KSR1: variants seen among roughly 807,000 people sequenced by gnomAD.
The protein encoded by KSR1 is kinase suppressor of ras.
Under a neutral mutation model 92.9 loss-of-function variants are expected in KSR1, and 35 were observed. That is an observed-to-expected ratio of 0.38 (90% CI 0.29 to 0.50). The LOEUF (loss-of-function observed/expected upper bound fraction) is 0.50. Among genes scored for constraint, KSR1 ranks in the 20% least tolerant of loss-of-function variants. The pLI is 0.94. For missense variants in KSR1, 972 were observed against 1,158.5 expected, an observed-to-expected ratio of 0.84 and a Z score of 2.34; for synonymous variants, 467 against 472.6, an observed-to-expected ratio of 0.99 and a Z score of 0.15.
intron 1 of KSR1, chr17:27,527,099 A>G: frequency 2.5e-6 from 1 of 398,524 alleles, no homozygotes; most frequent in Non-Finnish European, 4.9e-6. Flanking sequence ...CTTAAGGGCA[A>G]TAGTTCACAC....
At chr17:27,497,035 A>T (rs528828473) in intron 1 of KSR1, among the ~76,000 whole-genome samples, 1 of 152,330 alleles carries the variant, frequency 6.6e-6, no homozygotes, top group African/African-American at 2.4e-5. Flanking sequence ...TAGGGGCAGC[A>T]GTAAGTGGGC....
At chr17:27,513,221 T>C (rs1175731495) in intron 1 of KSR1, among the ~76,000 whole-genome samples, 1 of 152,212 alleles carries the variant, frequency 6.6e-6, no homozygotes, top group Non-Finnish European at 1.5e-5. Context: ...TGTTATTCGA[T>C]TGACTGATTA....
At chr17:27,550,837 G>A in intron 2 of KSR1, 129 bp downstream of exon 2, 1 of 622,758 alleles carries the variant, frequency 1.6e-6, no homozygotes, top group Non-Finnish European at 2.9e-6. Flanking sequence ...TGAGAAGGAG[G>A]ATGGGGAGGG....
At chr17:27,558,705 T>G (rs113149897) in intron 2 of KSR1, among the ~76,000 whole-genome samples, 7 of 28,574 alleles carry the variant, frequency 2.4e-4, no homozygotes, top group Admixed American at 1.2e-3. Context: ...TGTTTTTTGT[T>G]TTTTTTTTTT....
At chr17:27,537,638 C>T (rs2151057918) in intron 1 of KSR1, among the ~76,000 whole-genome samples, 1 of 152,144 alleles carries the variant, frequency 6.6e-6, no homozygotes, top group African/African-American at 2.4e-5. Context: ...TGCAATGAGC[C>T]GAGATCAGGC....
intron 16 of KSR1, among the ~76,000 whole-genome samples, chr17:27,609,590 G>A (rs1160998985): frequency 6.6e-6 from 1 of 152,220 alleles, no homozygotes; most frequent in Non-Finnish European, 1.5e-5. Context: ...AAGGAACCAG[G>A]TCATTTCCCC....
At chr17:27,593,167 A>AG (rs1286240128) in intron 9 of KSR1, among the ~76,000 whole-genome samples, 2 of 152,238 alleles carry the variant, frequency 1.3e-5, no homozygotes, top group Non-Finnish European at 2.9e-5. Context: ...TTCCATCCAT[A>AG]GCCAGGTCAG....
At chr17:27,521,026 C>T (rs940798398) in intron 1 of KSR1, among the ~76,000 whole-genome samples, 3 of 152,196 alleles carry the variant, frequency 2.0e-5, no homozygotes, top group African/African-American at 4.8e-5. Flanking sequence ...TCCTCAAGCA[C>T]TTGTGGCTGT....
chr17:27,486,277 G>T (rs2068661829), intron 1 of KSR1, among the ~76,000 whole-genome samples: 2 of 152,198 alleles, frequency 1.3e-5, no homozygotes, highest in Non-Finnish European at 1.5e-5. Flanking sequence ...CTGGAGTCTG[G>T]TTTGGCTCCG....
chr17:27,460,667 G>A (rs759833256), intron 1 of KSR1, among the ~76,000 whole-genome samples: 2 of 152,172 alleles, frequency 1.3e-5, no homozygotes, highest in Non-Finnish European at 2.9e-5. Flanking sequence ...AGGTCAGAGA[G>A]GCCTGGCCCT....
intron 1 of KSR1, among the ~76,000 whole-genome samples, chr17:27,537,694 T>TA (rs1466548970): frequency 1.3e-5 from 2 of 152,062 alleles, no homozygotes; most frequent in African/African-American, 2.4e-5. Context: ...CCATCTCAAA[T>TA]AAATAAACAA....
chr17:27,476,917 A>G (rs575869351), intron 1 of KSR1, among the ~76,000 whole-genome samples: 15 of 152,318 alleles, frequency 9.8e-5, no homozygotes, highest in Admixed American at 7.8e-4. Flanking sequence ...AGTGAAAGCA[A>G]GTTTATTAGG....
At chr17:27,502,263 G>A (rs978948966) in intron 1 of KSR1, among the ~76,000 whole-genome samples, 2 of 152,192 alleles carry the variant, frequency 1.3e-5, no homozygotes, top group Non-Finnish European at 2.9e-5. Context: ...ATCCGGTGTA[G>A]CCTCGACCAT....
intron 1 of KSR1, among the ~76,000 whole-genome samples, chr17:27,521,986 A>C (rs1402422025): frequency 6.6e-6 from 1 of 152,214 alleles, no homozygotes; most frequent in East Asian, 1.9e-4. Context: ...ATCTTTTCAC[A>C]TGACATCACA....
intron 1 of KSR1, among the ~76,000 whole-genome samples, chr17:27,540,405 C>T (rs551191905): frequency 1.2e-4 from 18 of 152,354 alleles, no homozygotes; most frequent in Non-Finnish European, 2.1e-4. Context: ...CGTTCTCACC[C>T]CTGGCCTCCT....
chr17:27,481,105 CAT>C (rs1567750158), intron 1 of KSR1, among the ~76,000 whole-genome samples: 6 of 152,112 alleles, frequency 3.9e-5, no homozygotes, highest in Admixed American at 6.5e-5. Context: ...GACATGAAAC[CAT>C]ATACCTCAAC....
intron 1 of KSR1, among the ~76,000 whole-genome samples, chr17:27,518,706 G>C (rs1027124032): frequency 6.6e-6 from 1 of 152,200 alleles, no homozygotes; most frequent in African/African-American, 2.4e-5. Flanking sequence ...GCAGGAGTCG[G>C]GAAAGCTTAA....
chr17:27,472,610 C>T (rs950116496), intron 1 of KSR1, among the ~76,000 whole-genome samples: 6 of 152,202 alleles, frequency 3.9e-5, no homozygotes, highest in African/African-American at 1.4e-4. Flanking sequence ...GGTGACCAGC[C>T]TGGCCAACAT....
chr17:27,591,620 G>A (rs955364938), intron 7 of KSR1, among the ~76,000 whole-genome samples: 1 of 152,226 alleles, frequency 6.6e-6, no homozygotes, highest in Non-Finnish European at 1.5e-5. Context: ...GTGCATATCA[G>A]CTGGACCCAT....
Sources: gnomAD v4.1 joint callset for allele counts (sites outside exome capture counted in the v4.1 genomes callset) on GRCh38, gnomAD v4.1.1 for gene constraint, MANE v1.5 for transcripts, NCBI Gene and HGNC (gene_info 2026-07-23, HGNC 2026-07-21) for gene names.